Variants in PSD3 observed in about 807,000 individuals in gnomAD.
PSD3 encodes the protein pleckstrin and Sec7 domain containing 3, also known as PH and SEC7 domain-containing protein 3.
A neutral mutation model predicts 105.5 loss-of-function variants in PSD3; 49 were observed. That is an observed-to-expected ratio of 0.46 (90% confidence interval 0.37 to 0.59). PSD3 has a LOEUF of 0.59. Among genes scored for constraint, PSD3 ranks in the 20% least tolerant of loss-of-function variants. The pLI is 0.00. For synonymous variants in PSD3, 557 were observed against 457.8 expected (o/e 1.22, Z -2.77); for missense variants, 1,561 against 1,263.8 (o/e 1.24, Z -3.57).
intron 9 of PSD3, among the ~76,000 whole-genome samples, chr8:18,729,255 A>G (rs887806451): frequency 6.6e-6 from 1 of 152,196 alleles, no homozygotes; most frequent in Non-Finnish European, 1.5e-5. Flanking sequence ...ATAAATTTTC[A>G]TAATTATGCA....
chr8:18,901,911 A>C (rs1418608546), intron 2 of PSD3, among the ~76,000 whole-genome samples: 1 of 152,088 alleles, frequency 6.6e-6, no homozygotes. Context: ...TCTAATGGAG[A>C]GTCCCTTAGA....
At chr8:18,672,981 ATT>A (rs1166647103) in intron 9 of PSD3, among the ~76,000 whole-genome samples, 2 of 152,188 alleles carry the variant, frequency 1.3e-5, no homozygotes, top group African/African-American at 4.8e-5. Flanking sequence ...ATTAAAAAAA[ATT>A]TCTCAAGGCA....
intron 2 of PSD3, among the ~76,000 whole-genome samples, chr8:18,882,908 T>C (rs1818211442): frequency 6.6e-6 from 1 of 151,676 alleles, no homozygotes; most frequent in Non-Finnish European, 1.5e-5. Flanking sequence ...TATAGTGGAG[T>C]ATGTATGTCT....
chr8:18,848,716 C>G (rs1815320161), intron 4 of PSD3, among the ~76,000 whole-genome samples: 1 of 152,156 alleles, frequency 6.6e-6, no homozygotes, highest in Non-Finnish European at 1.5e-5. Flanking sequence ...AAAGAAATTA[C>G]TATCAAAACA....
chr8:19,069,918 A>G (rs765896103), intron 1 of PSD3, among the ~76,000 whole-genome samples: 2 of 151,332 alleles, frequency 1.3e-5, no homozygotes, highest in Admixed American at 6.6e-5. Flanking sequence ...AGTTCTGCAC[A>G]AACTCTCATC....
At chr8:18,969,655 A>T (rs1824509745) in intron 1 of PSD3, among the ~76,000 whole-genome samples, 1 of 152,250 alleles carries the variant, frequency 6.6e-6, no homozygotes, top group Non-Finnish European at 1.5e-5. Context: ...TTCAGTATTC[A>T]AATTACTATA....
At chr8:18,582,388 C>T (rs1802877191) in intron 12 of PSD3, among the ~76,000 whole-genome samples, 1 of 152,094 alleles carries the variant, frequency 6.6e-6, no homozygotes, top group Non-Finnish European at 1.5e-5. Context: ...TCTCTGGTAC[C>T]AGTTTTCTCT....
chr8:18,759,162 C>A (rs953704491), intron 9 of PSD3, among the ~76,000 whole-genome samples: 2 of 151,580 alleles, frequency 1.3e-5, no homozygotes, highest in East Asian at 3.9e-4. Flanking sequence ...GGAAGACGTG[C>A]TAATTTCAAA....
rs1410874241 is a variant in PSD3 at position 19,013,352 on chromosome 8, A to C, written c.21+211T>G. ...TATGAACTAAAACCCCTAAACCTTA[A>C]CACCACAAAGTTGACCCTGCTGGGC... On this transcript the variant is annotated intron_variant, in intron 1 of 15. Transcript: ENST00000327040. Among the ~76,000 whole-genome samples the C allele has an allele frequency of 2.0e-5, 3 of 152,190 alleles. No individual in the cohort carries two copies. The South Asian group carries it at 6.2e-4, about 32-fold the overall frequency.
chr8:18,798,047 A>C (rs1254552868), intron 8 of PSD3, among the ~76,000 whole-genome samples: 2 of 152,146 alleles, frequency 1.3e-5, no homozygotes, highest in Non-Finnish European at 2.9e-5. Flanking sequence ...AGTAACACGA[A>C]AAAAGTGGTC....
intron 9 of PSD3, among the ~76,000 whole-genome samples, chr8:18,701,382 T>C (rs1269891705): frequency 1.3e-5 from 2 of 152,208 alleles, no homozygotes; most frequent in Non-Finnish European, 2.9e-5. Flanking sequence ...ACAAGTCTCA[T>C]TCAGCTTGCT....
rs575391404 is a variant in PSD3, at chr8:18,830,845, G to C, written c.1635-25947C>G. On this transcript the variant is annotated intron_variant, in intron 4 of 15. Coordinates refer to ENST00000327040, the MANE Select transcript of PSD3 (RefSeq NM_015310.4). Reference sequence around the variant, plus strand: ...TTCTTTCAACCTAAACCATCTATGAGAACAGAGCATCTTGGGGAAAGGCCA... The same window carrying C: ...TTCTTTCAACCTAAACCATCTATGACAACAGAGCATCTTGGGGAAAGGCCA... Among the ~76,000 whole-genome samples the C allele has an allele frequency of 5.3e-5, 8 of 152,228 alleles. 1 individual carries two copies. In the South Asian group the frequency reaches 1.7e-3, roughly 32 times the overall value.
Position 18,846,103 on chromosome 8 carries a change from G to C in PSD3, c.1634+21571C>G, listed in dbSNP as rs187609475. Among the ~76,000 whole-genome samples, 309 of 152,290 alleles carry C rather than the reference G, an allele frequency of 2.0e-3. 4 individuals carry two copies. The highest frequency in any genetic ancestry group is 1.5e-3 in the East Asian group (8 of 5,184). On this transcript the variant is annotated intron_variant, in intron 4 of 15. Coordinates refer to ENST00000327040, the MANE Select transcript of PSD3 (RefSeq NM_015310.4). ...AGTTACCCTGTGGAAGCAAAAGAAA[G>C]AGAGATAGAAGAAAGATTTGCAGAT...
intron 10 of PSD3, among the ~76,000 whole-genome samples, chr8:18,635,885 G>T (rs1296604203): frequency 1.3e-5 from 2 of 151,768 alleles, no homozygotes; most frequent in Non-Finnish European, 2.9e-5. Flanking sequence ...GGCCTGTTGG[G>T]GGTGGGGTGG....
intron 4 of PSD3, among the ~76,000 whole-genome samples, chr8:18,855,308 A>T (rs951969398): frequency 2.0e-5 from 3 of 152,210 alleles, no homozygotes; most frequent in African/African-American, 7.2e-5. Flanking sequence ...TTATTCCTAA[A>T]TATATACCCA....
At chr8:19,071,851 A>G (rs1170766224) in intron 1 of PSD3, among the ~76,000 whole-genome samples, 1 of 152,016 alleles carries the variant, frequency 6.6e-6, no homozygotes, top group African/African-American at 2.4e-5. Context: ...CTGGGATTAC[A>G]GGCACCTGCC....
chr8:18,615,734 G>C (rs1357504499), intron 11 of PSD3, among the ~76,000 whole-genome samples: 25 of 152,180 alleles, frequency 1.6e-4, no homozygotes, highest in Non-Finnish European at 4.4e-5. Context: ...GTCTATCTGA[G>C]AAGGGCAGGT....
chr8:18,673,725 T>A (rs1012810742), intron 9 of PSD3, among the ~76,000 whole-genome samples: 9 of 152,182 alleles, frequency 5.9e-5, no homozygotes, highest in African/African-American at 2.2e-4. Flanking sequence ...TGTGAAACGT[T>A]TATACCTTTC....
chr8:18,751,579 C>A (rs1447255864), intron 9 of PSD3, among the ~76,000 whole-genome samples: 3 of 150,182 alleles, frequency 2.0e-5, no homozygotes, highest in Non-Finnish European at 4.4e-5. Context: ...CCGGAGGCGC[C>A]ACCACTAGTC....
Sources: gnomAD v4.1 joint callset for allele counts (sites outside exome capture counted in the v4.1 genomes callset) on GRCh38, gnomAD v4.1.1 for gene constraint, MANE v1.5 for transcripts, NCBI Gene and HGNC (gene_info 2026-07-23, HGNC 2026-07-21) for gene names.